SLC22A23: variants seen among roughly 807,000 people sequenced by gnomAD.
SLC22A23 encodes the protein solute carrier family 22 member 23, also known as ion transporter protein.
SLC22A23 carries 26 observed loss-of-function variants against 61.0 expected under a neutral mutation model. That is an observed-to-expected ratio of 0.43 (90% CI 0.31 to 0.59). The LOEUF (loss-of-function observed/expected upper bound fraction) is 0.59, where lower values mean the gene tolerates loss of function less well. Among genes scored for constraint, SLC22A23 ranks in the 20% least tolerant of loss-of-function variants. SLC22A23 has a pLI of 0.11. For missense variants in SLC22A23, 796 were observed against 934.7 expected, an observed-to-expected ratio of 0.85 and a Z score of 1.94; for synonymous variants, 430 against 413.9, an observed-to-expected ratio of 1.04 and a Z score of -0.47.
At chr6:3,382,463 G>A (rs935106600) in intron 3 of SLC22A23, among the ~76,000 whole-genome samples, 3 of 152,202 alleles carry the variant, frequency 2.0e-5, no homozygotes, top group East Asian at 3.8e-4. Context: ...GGTATCACAA[G>A]CTCAGCTTTA....
Position 3,333,685 on chromosome 6 carries a change from T to C in SLC22A23, c.914-9683A>G, listed in dbSNP as rs1189939276. ...ATCCCTGCCCTCTTGCTTCCCCATG[T>C]TGCGACCACACAGAGGAGAGTGCCT... On this transcript the variant is annotated intron_variant, in intron 3 of 9. Transcript: ENST00000406686. The surrounding 1 kb of genome is among the most constrained non-coding windows in gnomAD (Gnocchi z 4.1). Among the ~76,000 whole-genome samples the C allele has an allele frequency of 6.6e-6, 1 of 152,224 alleles. No homozygotes were observed. The highest frequency in any genetic ancestry group is 1.5e-5 in the Non-Finnish European group (1 of 68,040).
Position 3,323,845 on chromosome 6 carries a change from C to T in SLC22A23, c.1071G>A (p.Leu357=). 9 of 1,613,686 alleles carry T rather than the reference C, an allele frequency of 5.6e-6. No homozygotes were observed. The highest frequency in any genetic ancestry group is 7.6e-6 in the Non-Finnish European group (9 of 1,179,828). The change falls in exon 4 of 10, where the codon CTG becomes CTA. Residue 357 remains leucine, a synonymous_variant. Coordinates refer to ENST00000406686, the MANE Select transcript of SLC22A23 (RefSeq NM_015482.2). ...ALIICPFLLM[L]LYWSIFPESL... ...CAGAGTGTACTCACGACCAGTAGAG[C>T]AGCATGAGCAGGAAGGGGCAGATGA...
chr6:3,422,631 C>A (rs1770219802), intron 1 of SLC22A23, among the ~76,000 whole-genome samples: 1 of 152,176 alleles, frequency 6.6e-6, no homozygotes, highest in Non-Finnish European at 1.5e-5. Context: ...GTAGCCAACA[C>A]AACTGCCAAT....
chr6:3,407,085 T>A (rs769113708), intron 3 of SLC22A23, among the ~76,000 whole-genome samples: 1 of 152,202 alleles, frequency 6.6e-6, no homozygotes, highest in African/African-American at 2.4e-5. Flanking sequence ...TTCCAGCAGA[T>A]GCATTAAGTG....
rs368606806 is a variant in SLC22A23, at chr6:3,396,209, C to G, written c.913+13979G>C. 3.5e-4 allele frequency among the ~76,000 whole-genome samples: 53 copies of G among 152,330 alleles called. No homozygotes were observed. The South Asian group carries it at 9.7e-3, about 28-fold the overall frequency. On this transcript the variant is annotated intron_variant, in intron 3 of 9. Transcript: ENST00000406686. ...TGGCTAGGGCTCCATCCCCACAGAC[C>G]TAGGTGAGGACAGGCATTTCCTGCC...
chr6:3,448,482 GTTTTTTTGTTT>G (rs1227370391), intron 1 of SLC22A23, among the ~76,000 whole-genome samples: 1 of 133,926 alleles, frequency 7.5e-6, no homozygotes, highest in Non-Finnish European at 1.6e-5. Context: ...AGTCCACCAT[GTTTTTTTGTTT>G]TTTGTTTTTT....
intron 3 of SLC22A23, among the ~76,000 whole-genome samples, chr6:3,376,746 A>C (rs1766594534): frequency 6.6e-6 from 1 of 152,180 alleles, no homozygotes; most frequent in Non-Finnish European, 1.5e-5. Flanking sequence ...GACTAGCTGG[A>C]GTGAGAAGGC....
Position 3,410,119 on chromosome 6 carries a change from C to T in SLC22A23, c.913+69G>A. 1 of 1,532,088 alleles carries T rather than the reference C, an allele frequency of 6.5e-7. No individual in the cohort carries two copies. The highest frequency in any genetic ancestry group is 2.3e-5 in the East Asian group (1 of 43,202). 94.9% of individuals were successfully genotyped at this position (1,532,088 alleles called of 1,614,324 possible). A position where few individuals can be genotyped will look rare whatever the true frequency, so the allele number is the denominator to read the frequency against. ...ACGAGCAGCATGCACAGTATCTTTCCCAGAACCTCCCAGGCAACAATACTT... is the reference window on the plus strand; with the variant it reads ...ACGAGCAGCATGCACAGTATCTTTCTCAGAACCTCCCAGGCAACAATACTT... On this transcript the variant is annotated intron_variant, in intron 3 of 9. Coordinates refer to ENST00000406686, the MANE Select transcript of SLC22A23 (RefSeq NM_015482.2). The surrounding 1 kb of genome is among the most constrained non-coding windows in gnomAD (Gnocchi z 5.0).
Position 3,388,280 on chromosome 6 carries a change from G to GAAATGCAATA in SLC22A23, c.913+21898_913+21907dup, listed in dbSNP as rs373839475. ...ACATACTTCCTCATGGGGGAGGGCA[G>GAAATGCAATA]AAATGCAATAAAATGCAATAAAATG... On this transcript the variant is annotated intron_variant, in intron 3 of 9. Transcript: ENST00000406686. 5.9e-5 allele frequency among the ~76,000 whole-genome samples: 9 copies of GAAATGCAATA among 152,304 alleles called. No homozygotes were observed. In the East Asian group the frequency reaches 1.5e-3, roughly 26 times the overall value.
chr6:3,371,757 C>G (rs1475713860), intron 3 of SLC22A23, among the ~76,000 whole-genome samples: 1 of 152,114 alleles, frequency 6.6e-6, no homozygotes, highest in Non-Finnish European at 1.5e-5. Context: ...AACAACTAAC[C>G]CTCCTGAACA....
chr6:3,405,618 ATTTT>A (rs546024248), intron 3 of SLC22A23, among the ~76,000 whole-genome samples: 1 of 144,332 alleles, frequency 6.9e-6, no homozygotes, highest in African/African-American at 2.6e-5. Context: ...GCTCAGTCAA[ATTTT>A]TTTTTTTTTT....
chr6:3,427,470 C>T lies in SLC22A23; in HGVS notation c.655-11615G>A, dbSNP rs1770577330. Among the ~76,000 whole-genome samples, 1 of 152,172 alleles carries T rather than the reference C, an allele frequency of 6.6e-6. No homozygotes were observed. The highest frequency in any genetic ancestry group is 1.5e-5 in the Non-Finnish European group (1 of 68,040). On this transcript the variant is annotated intron_variant, in intron 1 of 9. Coordinates refer to ENST00000406686, the MANE Select transcript of SLC22A23 (RefSeq NM_015482.2). The surrounding 1 kb of genome is among the most constrained non-coding windows in gnomAD (Gnocchi z 4.3). ...TAGTTTTACATCCTGTCTGCATAGT[C>T]AGCACCAGATTAGAAAGTGGGCCAG...
At chr6:3,280,198 C>G (rs1293811205) in intron 9 of SLC22A23, among the ~76,000 whole-genome samples, 2 of 152,174 alleles carry the variant, frequency 1.3e-5, no homozygotes, top group African/African-American at 4.8e-5. Flanking sequence ...CACATGGCCT[C>G]CATTCTCCAC....
At position 3,372,547 on chromosome 6, in the gene SLC22A23, G is replaced by C. The variant is rs1377211922; in HGVS notation, c.913+37641C>G. The stretch of plus-strand genomic sequence containing the variant: ...TGTGGAGTTCAGGGGCCAGACACCA[G>C]CCTGGAGCTCTGTCGTGTACTGGTG... On this transcript the variant is annotated intron_variant, in intron 3 of 9. Coordinates refer to ENST00000406686, the MANE Select transcript of SLC22A23 (RefSeq NM_015482.2). This position sits in a 1 kb window ranked among gnomAD's most constrained non-coding sequence, Gnocchi z 4.7. Among the ~76,000 whole-genome samples the C allele has an allele frequency of 6.6e-6, 1 of 152,198 alleles. No individual in the cohort carries two copies. Among genetic ancestry groups the C allele is most frequent in the Non-Finnish European group, 1.5e-5 (1 of 68,026 alleles).
intron 4 of SLC22A23, chr6:3,323,403 G>A (rs1054752250): frequency 6.6e-6 from 3 of 455,216 alleles, no homozygotes; most frequent in Non-Finnish European, 1.3e-5. Context: ...CCCACAGGCT[G>A]AAGGTTGCCC....
intron 9 of SLC22A23, among the ~76,000 whole-genome samples, chr6:3,283,292 C>T (rs1249275510): frequency 1.3e-5 from 2 of 152,078 alleles, no homozygotes; most frequent in African/African-American, 2.4e-5. Context: ...ATTAGCCGGG[C>T]GTGGTGGCGC....
In SLC22A23 at chr6:3,456,428, G is replaced by C. The variant is rs1029562427; in HGVS notation, c.132C>G (p.Pro44=). 2.9e-5 allele frequency: 38 copies of C among 1,332,102 alleles called. No homozygotes were observed. Among genetic ancestry groups the C allele is most frequent in the Non-Finnish European group, 3.5e-5 (37 of 1,044,210 alleles). 82.5% of individuals were successfully genotyped at this position (1,332,102 alleles called of 1,614,324 possible). A position where few individuals can be genotyped will look rare whatever the true frequency, so the allele number is the denominator to read the frequency against. The change falls in exon 1 of 10, where the codon CCC becomes CCG. Residue 44 remains proline, a synonymous_variant. Transcript: ENST00000406686. This position sits in a 1 kb window ranked among gnomAD's most constrained non-coding sequence, Gnocchi z 7.1. Reference sequence around the variant, plus strand: ...GCGGCTGGATCTCCGCGCCGCCGCCGGGGCCCGCGCGTCCCCCGAGGGGCG... The same window carrying C: ...GCGGCTGGATCTCCGCGCCGCCGCCCGGGCCCGCGCGTCCCCCGAGGGGCG... ...ASAPLGGRAG[P]GGGAEIQPLP...
Position 3,333,554 on chromosome 6 carries a change from C to T in SLC22A23, c.914-9552G>A, listed in dbSNP as rs911392276. ...CCCCCCTTCTGGGCTGTGCACTCCC[C>T]GTCTGTCCTCCCCAGGGAGTTGCAT... On this transcript the variant is annotated intron_variant, in intron 3 of 9. Coordinates refer to ENST00000406686, the MANE Select transcript of SLC22A23 (RefSeq NM_015482.2). This position sits in a 1 kb window ranked among gnomAD's most constrained non-coding sequence, Gnocchi z 4.1. Among the ~76,000 whole-genome samples, 14 of 152,320 alleles carry T rather than the reference C, an allele frequency of 9.2e-5. No homozygotes were observed. In the South Asian group the frequency reaches 1.4e-3, roughly 16 times the overall value.
In SLC22A23 at chr6:3,309,699, C is replaced by T. The variant is rs1247242902; in HGVS notation, c.1083-11481G>A. Among the ~76,000 whole-genome samples, 1 of 152,250 alleles carries T rather than the reference C, an allele frequency of 6.6e-6. No individual in the cohort carries two copies. Among genetic ancestry groups the T allele is most frequent in the Non-Finnish European group, 1.5e-5 (1 of 68,040 alleles). On this transcript the variant is annotated intron_variant, in intron 4 of 9. Transcript: ENST00000406686. This position sits in a 1 kb window ranked among gnomAD's most constrained non-coding sequence, Gnocchi z 4.7. ...GGTACAGGAGCTTCACACACACATG[C>T]TTCTGAAGGGTTACACCACGGTCAC...
Sources: gnomAD v4.1 joint callset for allele counts (sites outside exome capture counted in the v4.1 genomes callset) on GRCh38, gnomAD v4.1.1 for gene constraint, Gnocchi (gnomAD v3.1) non-coding constraint, MANE v1.5 for transcripts, NCBI Gene and HGNC (gene_info 2026-07-23, HGNC 2026-07-21) for gene names.